Variants in UCHL3 observed in about 807,000 individuals in gnomAD.
UCHL3 encodes ubiquitin C-terminal hydrolase L3.
In UCHL3, 22 loss-of-function variants were observed where a neutral mutation model predicts 35.8. That is an observed-to-expected ratio of 0.61 (90% confidence interval 0.44 to 0.88). UCHL3 has a LOEUF of 0.88. UCHL3 is among the 40% of genes least tolerant of loss of function. The pLI is 0.00. For missense variants in UCHL3, 229 were observed against 276.9 expected (o/e 0.83, Z 1.23); for synonymous variants, 90 against 92.8 (o/e 0.97, Z 0.17).
At chr13:75,600,006 A>G (rs1465780532) in intron 7 of UCHL3, among the ~76,000 whole-genome samples, 3 of 152,264 alleles carry the variant, frequency 2.0e-5, no homozygotes, top group Admixed American at 2.0e-4. Flanking sequence ...AAAGCAAAAC[A>G]GTATTATTGC....
intron 2 of UCHL3, among the ~76,000 whole-genome samples, chr13:75,554,894 C>T (rs947660959): frequency 1.3e-5 from 2 of 152,196 alleles, no homozygotes; most frequent in Non-Finnish European, 2.9e-5. Flanking sequence ...GTTTCTGATC[C>T]TCTCCTCAGC....
At chr13:75,566,550 CTGGTAGGTGATAA>C (rs2138489625) in intron 3 of UCHL3, 132 bp from the exon 4 acceptor site, 1 of 560,568 alleles carries the variant, frequency 1.8e-6, no homozygotes, top group Non-Finnish European at 2.9e-6. Flanking sequence ...TTTTGTCAGT[CTGGTAGGTGATAA>C]ATTAATTCTT....
At chr13:75,567,385 T>C in intron 5 of UCHL3, 73 bp downstream of exon 5, 1 of 1,347,002 alleles carries the variant, frequency 7.4e-7, no homozygotes, top group African/African-American at 1.5e-5. Flanking sequence ...TTGGGGGTTT[T>C]GTCTTGAAAC....
At position 75,593,629 on chromosome 13, in the gene UCHL3, T is replaced by G. The variant is rs112759858; in HGVS notation, c.475-1286T>G. On this transcript the variant is annotated intron_variant, in intron 6 of 8. Transcript: ENST00000377595. ...AATAAAACTAGATAACTCTGATTGC[T>G]AACACCTGTGGAATTCTGTAGTTCT... is the stretch of plus-strand genomic sequence containing the variant. Among the ~76,000 whole-genome samples the G allele has an allele frequency of 1.2e-3, 180 of 152,324 alleles. 2 individuals carry two copies. Among genetic ancestry groups the G allele is most frequent in the African/African-American group, 4.0e-3 (168 of 41,564 alleles).
intron 6 of UCHL3, among the ~76,000 whole-genome samples, chr13:75,590,355 A>G (rs1269247249): frequency 1.3e-5 from 2 of 151,904 alleles, no homozygotes; most frequent in Non-Finnish European, 2.9e-5. Context: ...TGCCAACATA[A>G]CGGCACCTGC....
chr13:75,599,595 C>T (rs910869931), intron 7 of UCHL3, among the ~76,000 whole-genome samples: 3 of 152,112 alleles, frequency 2.0e-5, no homozygotes, highest in Admixed American at 6.6e-5. Flanking sequence ...GATCAGTGAT[C>T]TTTGATATTA....
chr13:75,600,564 A>T (rs1249781568), intron 7 of UCHL3, among the ~76,000 whole-genome samples: 1 of 152,202 alleles, frequency 6.6e-6, no homozygotes, highest in African/African-American at 2.4e-5. Flanking sequence ...GGATGATAGT[A>T]TATCTATTTA....
At chr13:75,556,358 C>T (rs188064787) in intron 2 of UCHL3, among the ~76,000 whole-genome samples, 2 of 152,212 alleles carry the variant, frequency 1.3e-5, no homozygotes, top group East Asian at 3.9e-4. Context: ...AATAGTTATT[C>T]TACTTCTACA....
intron 3 of UCHL3, among the ~76,000 whole-genome samples, chr13:75,564,026 T>C (rs1053020497): frequency 1.3e-5 from 2 of 152,162 alleles, no homozygotes; most frequent in Non-Finnish European, 2.9e-5. Context: ...TAGGATTGGG[T>C]ACATTCAGGG....
At chr13:75,591,994 A>T (rs550187295) in intron 6 of UCHL3, among the ~76,000 whole-genome samples, 2 of 152,118 alleles carry the variant, frequency 1.3e-5, no homozygotes, top group South Asian at 2.1e-4. Flanking sequence ...AGCATTTGAG[A>T]TTTCAGATTT....
chr13:75,561,803 GTATACATACGTATACGTA>G (rs1450705871), intron 3 of UCHL3, among the ~76,000 whole-genome samples: 2 of 31,582 alleles, frequency 6.3e-5, no homozygotes, highest in African/African-American at 1.1e-4. Flanking sequence ...ATATGTATAC[GTATACATACGTATACGTA>G]TATACGTACG....
intron 6 of UCHL3, among the ~76,000 whole-genome samples, chr13:75,582,021 T>G (rs1016261650): frequency 4.6e-5 from 7 of 152,182 alleles, no homozygotes; most frequent in Non-Finnish European, 8.8e-5. Context: ...GACCTTGCAA[T>G]GGAAAACACT....
chr13:75,594,322 C>T (rs760512471), intron 6 of UCHL3, among the ~76,000 whole-genome samples: 11 of 152,126 alleles, frequency 7.2e-5, no homozygotes, highest in East Asian at 1.9e-4. Context: ...TCCTTTTAAT[C>T]GCCTAGGCTA....
intron 6 of UCHL3, among the ~76,000 whole-genome samples, chr13:75,570,917 A>AT (rs2031835018): frequency 6.6e-6 from 1 of 151,444 alleles, no homozygotes; most frequent in African/African-American, 2.4e-5. Flanking sequence ...GTCTCTATAA[A>AT]ATATATATAT....
chr13:75,569,930 T>C (rs1041964747), intron 6 of UCHL3, among the ~76,000 whole-genome samples: 19 of 152,246 alleles, frequency 1.2e-4, no homozygotes, highest in Admixed American at 1.1e-3. Flanking sequence ...ATAAATTTGT[T>C]TCAGGGTAAT....
intron 6 of UCHL3, among the ~76,000 whole-genome samples, chr13:75,593,401 C>A (rs6562914): frequency 0.75 from 114,404 of 152,066 alleles, 43,712 homozygotes; most frequent in Middle Eastern, 0.88. Context: ...ACTGTCTTCA[C>A]ATATTTAAAG....
intron 2 of UCHL3, among the ~76,000 whole-genome samples, chr13:75,551,866 G>A (rs1657889911): frequency 1.3e-5 from 2 of 152,142 alleles, no homozygotes; most frequent in African/African-American, 4.8e-5. Context: ...AATCTGAACA[G>A]GAGCTGGTGA....
intron 2 of UCHL3, among the ~76,000 whole-genome samples, chr13:75,554,189 A>G (rs1008061593): frequency 6.6e-6 from 1 of 152,038 alleles, no homozygotes; most frequent in African/African-American, 2.4e-5. Context: ...CAGCCTTCCA[A>G]GTAGGTAGGA....
At chr13:75,583,069 G>A (rs1348430179) in intron 6 of UCHL3, among the ~76,000 whole-genome samples, 1 of 152,132 alleles carries the variant, frequency 6.6e-6, no homozygotes, top group African/African-American at 2.4e-5. Flanking sequence ...GTAAAAATAA[G>A]TCTGACTAGA....
Sources: allele counts gnomAD v4.1 joint callset (sites outside exome capture counted in the v4.1 genomes callset), GRCh38; gene constraint gnomAD v4.1.1; transcripts MANE v1.5; gene names NCBI Gene and HGNC (gene_info 2026-07-23, HGNC 2026-07-21).